The following GPM6B variants were observed in gnomAD, a reference collection of about 807,000 sequenced individuals.
GPM6B encodes the protein glycoprotein M6B.
GPM6B carries 4 observed loss-of-function variants against 27.2 expected under a neutral mutation model. The ratio of observed to expected loss-of-function variants is 0.15; its 90% CI spans 0.07 to 0.34. GPM6B has a LOEUF of 0.34. GPM6B is among the 10% of genes least tolerant of loss of function. GPM6B has a pLI of 1.00. For missense variants in GPM6B, 183 were observed against 261.9 expected, an observed-to-expected ratio of 0.70 and a Z score of 2.08; for synonymous variants, 124 against 103.1, an observed-to-expected ratio of 1.20 and a Z score of -1.23.
chrX:13,813,638 T>C (rs1863893265), intron 1 of GPM6B, among the ~76,000 whole-genome samples: 1 of 112,305 alleles, frequency 8.9e-6, no homozygotes, highest in South Asian at 3.7e-4. Flanking sequence ...TCAGTGATTA[T>C]CCACTCTCAG....
intron 1 of GPM6B, among the ~76,000 whole-genome samples, chrX:13,931,054 CAT>C (rs1921490472): frequency 9.0e-6 from 1 of 110,843 alleles, no homozygotes; most frequent in African/African-American, 3.3e-5. Flanking sequence ...CATGGTGGTG[CAT>C]ACCTGTAATC....
intron 1 of GPM6B, among the ~76,000 whole-genome samples, chrX:13,878,390 G>A (rs2050061772): frequency 9.0e-6 from 1 of 110,655 alleles, no homozygotes; most frequent in Non-Finnish European, 1.9e-5. Context: ...GAGGGGTCTG[G>A]GAGTGAGAAG....
At chrX:13,917,867 A>T (rs1314340016) in intron 1 of GPM6B, among the ~76,000 whole-genome samples, 1 of 112,709 alleles carries the variant, frequency 8.9e-6, no homozygotes, top group Non-Finnish European at 1.9e-5. Context: ...GTAATTTGCT[A>T]CATTCAGAAA....
chrX:13,831,692 G>C (rs187132981), intron 1 of GPM6B, among the ~76,000 whole-genome samples: 57 of 111,650 alleles, frequency 5.1e-4, no homozygotes, highest in African/African-American at 1.8e-3. Flanking sequence ...CTGTTTCTTT[G>C]AAAGTATATG....
At chrX:13,873,715 G>T (rs1173853810) in intron 1 of GPM6B, among the ~76,000 whole-genome samples, 1 of 111,657 alleles carries the variant, frequency 9.0e-6, no homozygotes, top group Admixed American at 9.5e-5. Flanking sequence ...AATATATCCT[G>T]GGCCAGCTGC....
At chrX:13,921,578 C>T (rs759310300) in intron 1 of GPM6B, among the ~76,000 whole-genome samples, 1 of 59,912 alleles carries the variant, frequency 1.7e-5, no homozygotes, top group South Asian at 5.9e-4. Flanking sequence ...TATAACCCCC[C>T]CCCTTTTTTT....
intron 1 of GPM6B, among the ~76,000 whole-genome samples, chrX:13,935,726 C>CA (rs1921806371): frequency 8.9e-6 from 1 of 111,944 alleles, no homozygotes; most frequent in African/African-American, 3.2e-5. Flanking sequence ...AAGTTCCTAT[C>CA]AGATAAAACC....
intron 1 of GPM6B, among the ~76,000 whole-genome samples, chrX:13,918,604 C>T (rs2050449280): frequency 8.9e-6 from 1 of 112,011 alleles, no homozygotes; most frequent in Admixed American, 9.5e-5. Context: ...AGAAAACACC[C>T]GAGATTGGGT....
chrX:13,872,163 CTTTTTTTTTTTT>C (rs72226692), intron 1 of GPM6B, among the ~76,000 whole-genome samples: 3 of 25,823 alleles, frequency 1.2e-4, no homozygotes, highest in Admixed American at 1.4e-3. Context: ...TGTGACATCA[CTTTTTTTTTTTT>C]TTTTTTTTTT....
chrX:13,895,986 CTT>C (rs58403223), intron 1 of GPM6B, among the ~76,000 whole-genome samples: 17,788 of 86,916 alleles, frequency 0.2, 1,737 homozygotes, highest in South Asian at 0.32. Flanking sequence ...GCTAGAAAAA[CTT>C]TTTTTTTTTT....
intron 1 of GPM6B, among the ~76,000 whole-genome samples, chrX:13,879,931 T>C (rs915895655): frequency 1.1e-4 from 12 of 111,777 alleles, no homozygotes; most frequent in African/African-American, 3.9e-4. Flanking sequence ...GAACCGCTAG[T>C]ATAAACCCAT....
In GPM6B at chrX:13,916,663, A is replaced by ATGTGTGTGTGTGTG. The variant is rs55844856; in HGVS notation, c.-198+21650_-198+21663dup. Among the ~76,000 whole-genome samples the ATGTGTGTGTGTGTG allele has an allele frequency of 2.0e-3, 180 of 90,182 alleles. 1 individual carries two copies. Among genetic ancestry groups the ATGTGTGTGTGTGTG allele is most frequent in the South Asian group, 4.7e-3 (8 of 1,695 alleles). The allele number at this position is 90,182 out of a possible 115,157, so 78.3% of individuals were successfully genotyped here. A position where few individuals can be genotyped will look rare whatever the true frequency, so the allele number is the denominator to read the frequency against. On this transcript the variant is annotated intron_variant, in intron 1 of 6. Transcript: ENST00000398361. ...GAAAAGAACATGTATTAGTTTATTA[A>ATGTGTGTGTGTGTG]TGTGTGTGTGTGTGTGTGTGTGTGT...
chrX:13,866,192 C>T (rs2049916046), intron 1 of GPM6B, among the ~76,000 whole-genome samples: 1 of 111,661 alleles, frequency 9.0e-6, no homozygotes, highest in Non-Finnish European at 1.9e-5. Flanking sequence ...GGAGAAACCC[C>T]GTCTCTACTA....
At chrX:13,794,600 T>G (rs2048775315) in intron 2 of GPM6B, among the ~76,000 whole-genome samples, 1 of 111,956 alleles carries the variant, frequency 8.9e-6, no homozygotes, top group Non-Finnish European at 1.9e-5. Flanking sequence ...ACAGTAAAAC[T>G]GCTGATGCCT....
chrX:13,932,218 C>A (rs758791950), intron 1 of GPM6B, among the ~76,000 whole-genome samples: 1 of 111,400 alleles, frequency 9.0e-6, no homozygotes, highest in African/African-American at 3.3e-5. Flanking sequence ...ACCCACACAG[C>A]AGCCTCTGCC....
At chrX:13,893,917 T>C (rs2050209851) in intron 1 of GPM6B, among the ~76,000 whole-genome samples, 1 of 112,266 alleles carries the variant, frequency 8.9e-6, no homozygotes, top group East Asian at 2.8e-4. Flanking sequence ...GATGGAGGTC[T>C]CCCTCCTCTT....
At chrX:13,895,011 G>A (rs1337347445) in intron 1 of GPM6B, among the ~76,000 whole-genome samples, 2 of 111,870 alleles carry the variant, frequency 1.8e-5, no homozygotes, top group African/African-American at 3.2e-5. Context: ...ATTTTGGTGA[G>A]TAAAAAAGCT....
intron 1 of GPM6B, among the ~76,000 whole-genome samples, chrX:13,929,150 G>A (rs911157277): frequency 1.8e-5 from 2 of 112,197 alleles, no homozygotes; most frequent in African/African-American, 3.2e-5. Context: ...AGGTAACTAA[G>A]GATGTGACTA....
At chrX:13,873,364 G>A (rs2050000615) in intron 1 of GPM6B, among the ~76,000 whole-genome samples, 1 of 110,353 alleles carries the variant, frequency 9.1e-6, no homozygotes, top group African/African-American at 3.3e-5. Flanking sequence ...GCTCAAACAT[G>A]GCTCCATCAC....
Sources: gnomAD v4.1 joint callset for allele counts (sites outside exome capture counted in the v4.1 genomes callset) on GRCh38, gnomAD v4.1.1 for gene constraint, MANE v1.5 for transcripts, NCBI Gene and HGNC (gene_info 2026-07-23, HGNC 2026-07-21) for gene names.